Variants in GRM1 observed in about 807,000 individuals in gnomAD.
GRM1 encodes glutamate metabotropic receptor 1, also known as metabotropic glutamate receptor 1.
GRM1 carries 33 observed loss-of-function variants against 90.9 expected under a neutral mutation model. The ratio of observed to expected loss-of-function variants is 0.36; its 90% CI spans 0.28 to 0.49. GRM1 has a LOEUF of 0.49. Ranked by LOEUF, GRM1 falls within the 20% of genes least tolerant of loss-of-function variation. The pLI, the probability that GRM1 is intolerant of heterozygous loss-of-function variation, is 0.99. For synonymous variants in GRM1, 700 were observed against 613.2 expected, an observed-to-expected ratio of 1.14 and a Z score of -2.09; for missense variants, 1,190 against 1,534.3, an observed-to-expected ratio of 0.78 and a Z score of 3.75.
chr6:146,067,398 A>C (rs1775883909), intron 1 of GRM1, among the ~76,000 whole-genome samples: 1 of 152,226 alleles, frequency 6.6e-6, no homozygotes, highest in Non-Finnish European at 1.5e-5. Flanking sequence ...GTAAAGTCTT[A>C]GACATATATT....
At chr6:146,243,150 C>G (rs1780928486) in intron 2 of GRM1, among the ~76,000 whole-genome samples, 1 of 152,094 alleles carries the variant, frequency 6.6e-6, no homozygotes, top group South Asian at 2.1e-4. Flanking sequence ...ATTAGTGAAA[C>G]TGTTGTCTTA....
chr6:146,421,673 C>G (rs1777998174), intron 7 of GRM1, among the ~76,000 whole-genome samples: 2 of 152,050 alleles, frequency 1.3e-5, no homozygotes, highest in African/African-American at 4.8e-5. Context: ...TGTGATTAAA[C>G]CATTCTCTGT....
At chr6:146,202,415 T>A (rs186624274) in intron 2 of GRM1, among the ~76,000 whole-genome samples, 1 of 152,218 alleles carries the variant, frequency 6.6e-6, no homozygotes, top group Admixed American at 6.5e-5. Flanking sequence ...CATACCTATC[T>A]CACAGGGTTG....
At chr6:146,224,108 A>G (rs957662522) in intron 2 of GRM1, among the ~76,000 whole-genome samples, 4 of 152,098 alleles carry the variant, frequency 2.6e-5, no homozygotes, top group African/African-American at 9.7e-5. Context: ...CGGCCAAGAA[A>G]AGCTAAAATT....
intron 1 of GRM1, among the ~76,000 whole-genome samples, chr6:146,153,886 C>G (rs1777429460): frequency 6.6e-6 from 1 of 152,186 alleles, no homozygotes; most frequent in Non-Finnish European, 1.5e-5. Flanking sequence ...CTCATCCAGA[C>G]ATTTTAGATT....
chr6:146,433,906 G>C lies in GRM1; in HGVS notation c.2695G>C (p.Gly899Arg). 1 of 1,613,890 alleles carries C rather than the reference G, an allele frequency of 6.2e-7. No homozygotes were observed. Among genetic ancestry groups the C allele is most frequent in the South Asian group, 1.1e-5 (1 of 91,074 alleles). The change falls in exon 8 of 8, where the codon GGT becomes CGT. Residue 899 changes from glycine (G) to arginine (R), a missense_variant. Gly to Arg is a moderately radical substitution (Grantham distance 125). This residue lies in a region of GRM1 where 400 missense variants were observed against 360.8 expected (regional missense o/e 1.11). Transcript: ENST00000282753. ...CAAGTCTGTGTCATGGTCTGAACCAGGTGGAGGACAGGTGCCCAAGGGACA... is the reference window on the plus strand; with the variant it reads ...CAAGTCTGTGTCATGGTCTGAACCACGTGGAGGACAGGTGCCCAAGGGACA... Reference protein sequence around the residue: ...NGKSVSWSEPGGGQVPKGQHM... With the variant: ...NGKSVSWSEPRGGQVPKGQHM...
intron 1 of GRM1, among the ~76,000 whole-genome samples, chr6:146,092,938 A>G (rs1446477987): frequency 6.6e-6 from 1 of 152,158 alleles, no homozygotes; most frequent in Non-Finnish European, 1.5e-5. Context: ...ATTGCTGGTA[A>G]TATCACTGGT....
chr6:146,059,606 A>G (rs1298990348), intron 1 of GRM1, among the ~76,000 whole-genome samples: 1 of 152,116 alleles, frequency 6.6e-6, no homozygotes, highest in Non-Finnish European at 1.5e-5. Context: ...GAAGCTTTGG[A>G]GCTAGCATCG....
intron 6 of GRM1, among the ~76,000 whole-genome samples, chr6:146,397,484 GA>G (rs577471775): frequency 0.18 from 7,963 of 45,056 alleles, 198 homozygotes; most frequent in African/African-American, 0.25. Context: ...AAAAAAAAAA[GA>G]AAAAAAAAAA....
At chr6:146,252,256 TAAA>T (rs1242524070) in intron 2 of GRM1, among the ~76,000 whole-genome samples, 1 of 152,124 alleles carries the variant, frequency 6.6e-6, no homozygotes, top group African/African-American at 2.4e-5. Flanking sequence ...ACAGAGGTAA[TAAA>T]TAAGGGTTTG....
intron 2 of GRM1, among the ~76,000 whole-genome samples, chr6:146,261,333 G>A (rs1248911436): frequency 6.6e-6 from 1 of 152,080 alleles, no homozygotes; most frequent in Non-Finnish European, 1.5e-5. Context: ...AGGAGGGTAG[G>A]CTGAAGTACC....
intron 1 of GRM1, among the ~76,000 whole-genome samples, chr6:146,053,697 G>A (rs984458452): frequency 6.6e-6 from 1 of 151,980 alleles, no homozygotes; most frequent in African/African-American, 2.4e-5. Flanking sequence ...ATCCCCAAAT[G>A]CATGCAATTA....
At chr6:146,395,980 T>C (rs1776910607) in intron 6 of GRM1, among the ~76,000 whole-genome samples, 1 of 152,128 alleles carries the variant, frequency 6.6e-6, no homozygotes, top group African/African-American at 2.4e-5. Context: ...CTAGAGCTCC[T>C]TGTAAATATT....
At chr6:146,301,045 T>G (rs1783360203) in intron 2 of GRM1, among the ~76,000 whole-genome samples, 1 of 152,134 alleles carries the variant, frequency 6.6e-6, no homozygotes, top group Non-Finnish European at 1.5e-5. Flanking sequence ...TTTAGAGATG[T>G]TTTCTAGTGA....
rs146198079 is a variant in GRM1, at chr6:146,399,208, C to T, written c.2169C>T (p.Thr723=). Residue 723 remains threonine (T), a synonymous_variant, in exon 7 of 8, where the codon ACC becomes ACT. Coordinates refer to ENST00000282753, the MANE Select transcript of GRM1 (RefSeq NM_001278064.2). This position sits in a 1 kb window ranked among gnomAD's most constrained non-coding sequence, Gnocchi z 5.4. ...LISVQLTLVV[T]LIIMEPPMPI... Reference sequence around the variant, plus strand: ...GTGTGCAACTAACCCTGGTGGTAACCCTGATCATCATGGAACCCCCTATGC... The same window carrying T: ...GTGTGCAACTAACCCTGGTGGTAACTCTGATCATCATGGAACCCCCTATGC... The T allele has an allele frequency of 8.7e-6, 14 of 1,613,996 alleles. No individual in the cohort carries two copies. The highest frequency in any genetic ancestry group is 1.2e-5 in the Non-Finnish European group (14 of 1,179,976).
intron 1 of GRM1, among the ~76,000 whole-genome samples, chr6:146,109,010 G>A (rs1343127860): frequency 6.6e-6 from 1 of 152,158 alleles, no homozygotes; most frequent in Non-Finnish European, 1.5e-5. Flanking sequence ...TGCTGTTAAA[G>A]GCATTCAGTT....
At chr6:146,389,512 T>C (rs908589544) in intron 6 of GRM1, among the ~76,000 whole-genome samples, 3 of 152,152 alleles carry the variant, frequency 2.0e-5, no homozygotes, top group African/African-American at 7.2e-5. Flanking sequence ...TTGCATATTT[T>C]CTGTCCACTG....
chr6:146,123,318 T>C (rs547917566), intron 1 of GRM1, among the ~76,000 whole-genome samples: 9 of 152,354 alleles, frequency 5.9e-5, no homozygotes, highest in Admixed American at 5.9e-4. Context: ...ATTACAATTC[T>C]TGCAGAGAGT....
chr6:146,059,534 T>C lies in GRM1; in HGVS notation c.700+29317T>C, dbSNP rs762260665. On this transcript the variant is annotated intron_variant, in intron 1 of 7. Coordinates refer to ENST00000282753, the MANE Select transcript of GRM1 (RefSeq NM_001278064.2). ...AGATTTTCAAAATGATAAATGAACA[T>C]TGGTTTCAACTTAAAGTCAACAGTT... Among the ~76,000 whole-genome samples the C allele has an allele frequency of 5.8e-4, 88 of 152,132 alleles. 1 individual carries two copies. Among genetic ancestry groups the C allele is most frequent in the Admixed American group, 9.8e-4 (15 of 15,250 alleles).
Sources: gnomAD v4.1 joint callset for allele counts (sites outside exome capture counted in the v4.1 genomes callset) on GRCh38, gnomAD v4.1.1 for gene constraint, gnomAD v4.1.1 regional missense constraint, Gnocchi (gnomAD v3.1) non-coding constraint, MANE v1.5 for transcripts, NCBI Gene and HGNC (gene_info 2026-07-23, HGNC 2026-07-21) for gene names.